C12orf43: variants seen among roughly 807,000 people sequenced by gnomAD.
C12orf43 encodes the protein protein CUSTOS.
In C12orf43, 15 loss-of-function variants were observed where a neutral mutation model predicts 20.6. The ratio of observed to expected loss-of-function variants is 0.73; its 90% CI spans 0.49 to 1.12. The LOEUF is 1.12. Ranked by LOEUF, C12orf43 falls within the 50% of genes most tolerant of loss-of-function variation. The pLI, the probability that C12orf43 is intolerant of heterozygous loss-of-function variation, is 0.00. For missense variants in C12orf43, 334 were observed against 344.4 expected, an observed-to-expected ratio of 0.97 and a Z score of 0.24; for synonymous variants, 144 against 130.8, an observed-to-expected ratio of 1.10 and a Z score of -0.69.
rs73214138 is a variant in C12orf43, at chr12:121,009,217, G to A, written c.287+1611C>T. Among the ~76,000 whole-genome samples, 1,174 of 152,242 alleles carry A rather than the reference G, an allele frequency of 7.7e-3. 8 individuals carry two copies. The highest frequency in any genetic ancestry group is 0.013 in the Non-Finnish European group (873 of 68,030). On this transcript the variant is annotated intron_variant, in intron 3 of 5. Transcript: ENST00000288757. ...TCCCAGCACTCTGGGAGGCCGAGCC[G>A]GTGGATCACTTGAAGTCAGGAGTTC... is the stretch of plus-strand genomic sequence containing the variant.
intron 3 of C12orf43, among the ~76,000 whole-genome samples, chr12:121,009,610 G>C (rs1370567727): frequency 6.6e-6 from 1 of 152,168 alleles, no homozygotes; most frequent in Admixed American, 6.5e-5. Flanking sequence ...ACTATGTGAG[G>C]ACACAGTAGG....
Position 121,004,987 on chromosome 12 carries a change from A to G in C12orf43, c.452+16T>C. The G allele has an allele frequency of 6.6e-7, 1 of 1,513,134 alleles. No homozygotes were observed. Among genetic ancestry groups the G allele is most frequent in the Non-Finnish European group, 8.9e-7 (1 of 1,128,366 alleles). The allele number at this position is 1,513,134 out of a possible 1,614,324, so 93.7% of individuals were successfully genotyped here. The stretch of plus-strand genomic sequence containing the variant: ...AGAAAAAAGGAGGGGACGTGAGGAG[A>G]GGTGTGAGTTCTCACCTGGAGCTGG... On this transcript the variant is annotated intron_variant, in intron 5 of 5. Transcript: ENST00000288757. This position sits in a 1 kb window ranked among gnomAD's most constrained non-coding sequence, Gnocchi z 5.6.
chr12:121,000,971 C>A lies in C12orf43; in HGVS notation c.*3182G>T, dbSNP rs1359949190. The A allele has an allele frequency of 6.5e-7, 1 of 1,537,560 alleles. No homozygotes were observed. The highest frequency in any genetic ancestry group is 8.9e-7 in the Non-Finnish European group (1 of 1,122,142). On this transcript the variant is annotated 3_prime_UTR_variant, in exon 6 of 6. Transcript: ENST00000288757. ...ATCTGCTGTGATCCAGGAGGTGTGGCCCTGCCTCCCCATCCTGAGTACCCC... is the reference window on the plus strand; with the variant it reads ...ATCTGCTGTGATCCAGGAGGTGTGGACCTGCCTCCCCATCCTGAGTACCCC...
chr12:121,000,943 G>C lies in C12orf43; in HGVS notation c.*3210C>G. ...GTAGAGGTGTGACTTTGGGGTTCCT[G>C]TTATCTGCTGTGATCCAGGAGGTGT... On this transcript the variant is annotated 3_prime_UTR_variant, in exon 6 of 6. Transcript: ENST00000288757. 2.2e-6 allele frequency: 3 copies of C among 1,386,090 alleles called. No individual in the cohort carries two copies. Among genetic ancestry groups the C allele is most frequent in the Non-Finnish European group, 2.0e-6 (2 of 991,672 alleles). The allele number at this position is 1,386,090 out of a possible 1,614,324, so 85.9% of individuals were successfully genotyped here.
intron 3 of C12orf43, among the ~76,000 whole-genome samples, chr12:121,008,584 CA>C (rs1878200418): frequency 6.6e-6 from 1 of 152,228 alleles, no homozygotes; most frequent in Admixed American, 6.5e-5. Flanking sequence ...CAGAGAGTCA[CA>C]AAGGAAAACT....
chr12:121,005,915 T>TAA lies in C12orf43; in HGVS notation c.361+404_361+405dup, dbSNP rs200032332. On this transcript the variant is annotated intron_variant, in intron 4 of 5. Transcript: ENST00000288757. This position sits in a 1 kb window ranked among gnomAD's most constrained non-coding sequence, Gnocchi z 5.6. ...GGGCAACATGACAGAACCCTGTCTC[T>TAA]AAAAAAAAATACAAAAATTAGCCAG... 28 of 171,160 alleles carry TAA rather than the reference T, an allele frequency of 1.6e-4. No individual in the cohort carries two copies. Among genetic ancestry groups the TAA allele is most frequent in the South Asian group, 5.6e-4 (4 of 7,186 alleles). The allele number at this position is 171,160 out of a possible 1,614,324, so 10.6% of individuals were successfully genotyped here.
chr12:121,016,243 G>A (rs2135892671), intron 1 of C12orf43, 87 bp downstream of exon 1: 2 of 1,595,904 alleles, frequency 1.3e-6, no homozygotes, highest in East Asian at 4.5e-5. Context: ...CCGAGTCCCA[G>A]TGACTCTCTC....
chr12:121,006,676 G>C (rs574998232), intron 3 of C12orf43: 1 of 365,060 alleles, frequency 2.7e-6, no homozygotes, highest in Non-Finnish European at 5.2e-6. Context: ...GGTGGCTCAC[G>C]CCTGTAATCC....
Position 121,001,108 on chromosome 12 carries a change from C to G in C12orf43, c.*3045G>C, listed in dbSNP as rs777855166. ...TGCTGTACCAGAGCTCAGACTCCAG[C>G]AATGGCCAGAGCCACCTGCTGCCAT... On this transcript the variant is annotated 3_prime_UTR_variant, in exon 6 of 6. Transcript: ENST00000288757. 1 of 1,613,878 alleles carries G rather than the reference C, an allele frequency of 6.2e-7. No individual in the cohort carries two copies. The highest frequency in any genetic ancestry group is 1.3e-5 in the African/African-American group (1 of 74,934).
chr12:121,014,804 C>T (rs1317532302), intron 1 of C12orf43, among the ~76,000 whole-genome samples: 1 of 151,946 alleles, frequency 6.6e-6, no homozygotes, highest in Non-Finnish European at 1.5e-5. Context: ...CATGGCAAAA[C>T]CCCATCTCTA....
In C12orf43 at chr12:121,000,812, T is replaced by A. The variant is rs1280885199; in HGVS notation, c.*3341A>T. 2 of 528,994 alleles carry A rather than the reference T, an allele frequency of 3.8e-6. No homozygotes were observed. Among genetic ancestry groups the A allele is most frequent in the African/African-American group, 3.8e-5 (2 of 52,804 alleles). 32.8% of individuals were successfully genotyped at this position (528,994 alleles called of 1,614,324 possible). ...AAGCCAACACGTACAACTACCTACC[T>A]CGGCATCTCACCGGGGCTTCTCCAG... is the stretch of plus-strand genomic sequence containing the variant. On this transcript the variant is annotated 3_prime_UTR_variant, in exon 6 of 6. Transcript: ENST00000288757.
In C12orf43 at chr12:121,012,849, T is replaced by TAAAAAAAAAAAAAAA. The variant is rs10636003; in HGVS notation, c.146-1718_146-1704dup. On this transcript the variant is annotated intron_variant, in intron 1 of 5. Transcript: ENST00000288757. ...CCTGGTGACAGAGCAAGACTCCGTCTAAAAAAAAAAAAAAAAAAAAAAAAA... is the reference window on the plus strand; with the variant it reads ...CCTGGTGACAGAGCAAGACTCCGTCTAAAAAAAAAAAAAAAAAAAAAAAAAAAAAAAAAAAAAAAA... Among the ~76,000 whole-genome samples the TAAAAAAAAAAAAAAA allele has an allele frequency of 1.7e-3, 158 of 91,924 alleles. 5 individuals are homozygous for TAAAAAAAAAAAAAAA. The highest frequency in any genetic ancestry group is 3.1e-3 in the Admixed American group (26 of 8,506). 60.3% of individuals were successfully genotyped at this position (91,924 alleles called of 152,430 possible). A position where few individuals can be genotyped will look rare whatever the true frequency, so the allele number is the denominator to read the frequency against.
In C12orf43 at chr12:121,011,466, T is replaced by C. The variant is rs543652065; in HGVS notation, c.146-320A>G. On this transcript the variant is annotated intron_variant, in intron 1 of 5. Transcript: ENST00000288757. The stretch of plus-strand genomic sequence containing the variant: ...TTATATATATAAAACTTAAAATAGT[T>C]ATATATATAACTTAGTTATATATAC... 4.7e-5 allele frequency among the ~76,000 whole-genome samples: 7 copies of C among 148,432 alleles called. 1 individual carries two copies. The South Asian group carries it at 1.3e-3, about 27-fold the overall frequency.
intron 1 of C12orf43, among the ~76,000 whole-genome samples, chr12:121,015,782 G>A (rs1416566847): frequency 6.6e-6 from 1 of 152,172 alleles, no homozygotes; most frequent in Non-Finnish European, 1.5e-5. Flanking sequence ...CTTGCAAGAC[G>A]GAAAGAGATG....
rs1344498052 is a variant in C12orf43, at chr12:121,011,099, A to G, written c.188+5T>C. ...AGTGAAACTTGAACCCAAAGTGCAT[A>G]GTACCTGAGGCTCGGTTGGGAGGTT... On this transcript the variant is annotated splice_donor_5th_base_variant and intron_variant, in intron 2 of 5. Coordinates refer to ENST00000288757, the MANE Select transcript of C12orf43 (RefSeq NM_022895.3). 1.2e-6 allele frequency: 2 copies of G among 1,613,902 alleles called. No homozygotes were observed. The highest frequency in any genetic ancestry group is 2.7e-5 in the African/African-American group (2 of 74,930).
rs552270709 is a variant in C12orf43, at chr12:121,003,969, G to A, written c.*184C>T. 28 of 666,546 alleles carry A rather than the reference G, an allele frequency of 4.2e-5. No individual in the cohort carries two copies. In the Middle Eastern group the frequency reaches 9.9e-4, roughly 24 times the overall value. The allele number at this position is 666,546 out of a possible 1,614,324, so 41.3% of individuals were successfully genotyped here. The stretch of plus-strand genomic sequence containing the variant: ...CCTTGATTGGTCTTCTCACCCTACA[G>A]CCACTTTTTTGGCCCAACTCTCGAG... On this transcript the variant is annotated 3_prime_UTR_variant, in exon 6 of 6. Transcript: ENST00000288757.
chr12:121,010,583 T>C (rs1235991961), intron 3 of C12orf43, among the ~76,000 whole-genome samples: 1 of 152,144 alleles, frequency 6.6e-6, no homozygotes. Flanking sequence ...GCTCAGTAAA[T>C]GGTAGCTGCG....
Position 121,004,532 on chromosome 12 carries a change from C to G in C12orf43, c.453-43G>C. 1 of 1,536,090 alleles carries G rather than the reference C, an allele frequency of 6.5e-7. No homozygotes were observed. Among genetic ancestry groups the G allele is most frequent in the South Asian group, 1.3e-5 (1 of 79,630 alleles). On this transcript the variant is annotated intron_variant, in intron 5 of 5. Transcript: ENST00000288757. This position sits in a 1 kb window ranked among gnomAD's most constrained non-coding sequence, Gnocchi z 5.6. ...TACCCTGGGTTAGCTGGAGTCAGGACACAGCCCCAGAGCTGCCTCTCGCTG... is the reference window on the plus strand; with the variant it reads ...TACCCTGGGTTAGCTGGAGTCAGGAGACAGCCCCAGAGCTGCCTCTCGCTG...
Position 121,016,432 on chromosome 12 carries a change from T to C in C12orf43, c.43A>G (p.Asn15Asp). ...SGTVSDSESS[N>D]SSSDAEELER... ...AGCTCCTCCGCATCGCTACTGCTGT[T>C]ACTACTTTCCGAATCGCTCACTGTG... The change falls in exon 1 of 6, where the codon AAC becomes GAC. Residue 15 changes from asparagine (N) to aspartate (D), a missense_variant. Physicochemically the swap from Asn to Asp is conservative, Grantham distance 23. Coordinates refer to ENST00000288757, the MANE Select transcript of C12orf43 (RefSeq NM_022895.3). The C allele has an allele frequency of 6.2e-7, 1 of 1,614,098 alleles. No individual in the cohort carries two copies. The highest frequency in any genetic ancestry group is 8.5e-7 in the Non-Finnish European group (1 of 1,180,028).
Sources: gnomAD v4.1 joint callset for allele counts (sites outside exome capture counted in the v4.1 genomes callset) on GRCh38, gnomAD v4.1.1 for gene constraint, Gnocchi (gnomAD v3.1) non-coding constraint, MANE v1.5 for transcripts, NCBI Gene and HGNC (gene_info 2026-07-23, HGNC 2026-07-21) for gene names.